The following SPON1 variants were observed in gnomAD, a reference collection of about 807,000 sequenced individuals.
The protein encoded by SPON1 is spondin 1.
SPON1 carries 52 observed loss-of-function variants against 111.7 expected under a neutral mutation model. The ratio of observed to expected loss-of-function variants is 0.47; its 90% CI spans 0.37 to 0.59. The LOEUF is 0.59. Among genes scored for constraint, SPON1 ranks in the 20% least tolerant of loss-of-function variants. The pLI, the probability that SPON1 is intolerant of heterozygous loss-of-function variation, is 0.00. For missense variants in SPON1, 957 were observed against 1,068.5 expected (o/e 0.90, Z 1.46); for synonymous variants, 410 against 395.8 (o/e 1.04, Z -0.43).
At chr11:14,106,230 C>G (rs1201014286) in intron 5 of SPON1, among the ~76,000 whole-genome samples, 1 of 152,170 alleles carries the variant, frequency 6.6e-6, no homozygotes, top group Non-Finnish European at 1.5e-5. Flanking sequence ...GCCAGTTCCT[C>G]TGCTGTGATT....
rs1424504985 is a variant in SPON1 at position 14,268,113 on chromosome 11, T to C, written c.*2426T>C. On this transcript the variant is annotated 3_prime_UTR_variant, in exon 16 of 16. Transcript: ENST00000576479. The stretch of plus-strand genomic sequence containing the variant: ...AGACCCAGAACTGAAAAAATAAACA[T>C]CGTGCTGTTTTTAATTTGAACTTTG... Among the ~76,000 whole-genome samples the C allele has an allele frequency of 2.0e-5, 3 of 152,142 alleles. No homozygotes were observed. The highest frequency in any genetic ancestry group is 4.4e-5 in the Non-Finnish European group (3 of 68,026).
At position 14,259,513 on chromosome 11, in the gene SPON1, C is replaced by T. The variant is rs549074295; in HGVS notation, c.1664-21C>T. On this transcript the variant is annotated intron_variant, in intron 12 of 15. Coordinates refer to ENST00000576479, the MANE Select transcript of SPON1 (RefSeq NM_006108.4). The surrounding 1 kb of genome is among the most constrained non-coding windows in gnomAD (Gnocchi z 5.0). ...GTCGGGGAGGCAGCAGGTGCGACTC[C>T]AATGCCGCTGGCCTCCCCAGCTCCC... 12 of 1,561,472 alleles carry T rather than the reference C, an allele frequency of 7.7e-6. No individual in the cohort carries two copies. The East Asian group carries it at 2.9e-4, about 37-fold the overall frequency.
At chr11:14,048,069 G>A (rs1848682570) in intron 3 of SPON1, among the ~76,000 whole-genome samples, 3 of 152,074 alleles carry the variant, frequency 2.0e-5, no homozygotes, top group Admixed American at 1.3e-4. Flanking sequence ...GTGAAACCCT[G>A]TCTCTACTAC....
intron 6 of SPON1, among the ~76,000 whole-genome samples, chr11:14,153,799 A>G (rs782385207): frequency 6.6e-6 from 1 of 152,168 alleles, no homozygotes; most frequent in Non-Finnish European, 1.5e-5. Flanking sequence ...TGTGTAAAAT[A>G]AAAAAACAAG....
intron 5 of SPON1, among the ~76,000 whole-genome samples, chr11:14,099,680 G>T (rs1554924208): frequency 6.6e-6 from 1 of 151,886 alleles, no homozygotes; most frequent in East Asian, 1.9e-4. Context: ...TTTTGTTTTG[G>T]TAAGTGTGTT....
intron 6 of SPON1, among the ~76,000 whole-genome samples, chr11:14,194,928 G>T (rs1303496088): frequency 6.6e-6 from 1 of 152,084 alleles, no homozygotes; most frequent in African/African-American, 2.4e-5. Flanking sequence ...GGAAAGCATG[G>T]GTAAATTCTT....
chr11:14,113,728 G>A (rs533508180), intron 5 of SPON1, among the ~76,000 whole-genome samples: 144 of 150,254 alleles, frequency 9.6e-4, no homozygotes, highest in African/African-American at 3.0e-3. Flanking sequence ...TCAGCCTCCC[G>A]CGTAGCTGGG....
At chr11:14,192,513 G>A (rs1044863269) in intron 6 of SPON1, among the ~76,000 whole-genome samples, 9 of 149,502 alleles carry the variant, frequency 6.0e-5, no homozygotes, top group Non-Finnish European at 1.2e-4. Flanking sequence ...AAGCTGCCCC[G>A]TCAATGTGCG....
chr11:14,089,598 G>A (rs1849033729), intron 5 of SPON1, among the ~76,000 whole-genome samples: 1 of 152,210 alleles, frequency 6.6e-6, no homozygotes, highest in Non-Finnish European at 1.5e-5. Context: ...CTCCCCGTCA[G>A]GAAGCACGGA....
At chr11:14,042,273 A>G (rs1235929803) in intron 3 of SPON1, among the ~76,000 whole-genome samples, 2 of 152,220 alleles carry the variant, frequency 1.3e-5, no homozygotes, top group Non-Finnish European at 2.9e-5. Flanking sequence ...GGTTTGGGAA[A>G]TGGAAATAGA....
chr11:14,086,528 T>C (rs965367522), intron 5 of SPON1, among the ~76,000 whole-genome samples: 1 of 152,212 alleles, frequency 6.6e-6, no homozygotes, highest in African/African-American at 2.4e-5. Flanking sequence ...CTTTTTGATG[T>C]GCTGCTGGAT....
At chr11:14,076,841 C>CTGGA (rs1718236178) in intron 4 of SPON1, among the ~76,000 whole-genome samples, 1 of 152,208 alleles carries the variant, frequency 6.6e-6, no homozygotes, top group Admixed American at 6.5e-5. Flanking sequence ...GGCTGGAGAG[C>CTGGA]TGGAATCTGC....
chr11:14,184,128 T>C (rs1184617162), intron 6 of SPON1, among the ~76,000 whole-genome samples: 3 of 152,172 alleles, frequency 2.0e-5, no homozygotes, highest in Non-Finnish European at 4.4e-5. Context: ...CAACCAGCCT[T>C]AGTCCCTGGA....
intron 6 of SPON1, among the ~76,000 whole-genome samples, chr11:14,160,971 ATTTT>A (rs1276591933): frequency 1.1e-4 from 4 of 37,000 alleles, no homozygotes; most frequent in African/African-American, 4.0e-4. Context: ...ATTTATATAT[ATTTT>A]TATATATTTA....
chr11:14,244,118 T>C (rs1554939990), intron 7 of SPON1, among the ~76,000 whole-genome samples: 6 of 152,220 alleles, frequency 3.9e-5, no homozygotes, highest in Admixed American at 1.3e-4. Context: ...TCTCCTCCCC[T>C]TCCTTCAAGC....
At chr11:14,175,606 A>G (rs1591400265) in intron 6 of SPON1, among the ~76,000 whole-genome samples, 1 of 152,110 alleles carries the variant, frequency 6.6e-6, no homozygotes. Context: ...CTATTAATCA[A>G]ACCCTTGCAG....
At chr11:14,054,945 A>T (rs1277358768) in intron 3 of SPON1, among the ~76,000 whole-genome samples, 1 of 152,244 alleles carries the variant, frequency 6.6e-6, no homozygotes, top group Non-Finnish European at 1.5e-5. Flanking sequence ...CTGATGAGTC[A>T]GTATGTACTT....
chr11:14,180,244 G>A (rs908586804), intron 6 of SPON1, among the ~76,000 whole-genome samples: 3 of 152,196 alleles, frequency 2.0e-5, no homozygotes, highest in African/African-American at 4.8e-5. Flanking sequence ...TCTCTCAACA[G>A]TTTCTCAAAG....
At chr11:14,058,641 T>C (rs1163037717) in intron 3 of SPON1, among the ~76,000 whole-genome samples, 1 of 152,204 alleles carries the variant, frequency 6.6e-6, no homozygotes, top group African/African-American at 2.4e-5. Flanking sequence ...GGGTGCTCAA[T>C]GAATGTTCCT....
Sources: gnomAD v4.1 joint callset for allele counts (sites outside exome capture counted in the v4.1 genomes callset) on GRCh38, gnomAD v4.1.1 for gene constraint, Gnocchi (gnomAD v3.1) non-coding constraint, MANE v1.5 for transcripts, NCBI Gene and HGNC (gene_info 2026-07-23, HGNC 2026-07-21) for gene names.